Variants in SNRPD3 observed in about 807,000 individuals in gnomAD.
The protein encoded by SNRPD3 is small nuclear ribonucleoprotein Sm D3.
For synonymous variants in SNRPD3, 66 were observed against 58.4 expected (o/e 1.13, Z -0.59); for missense variants, 73 against 167.5 (o/e 0.44, Z 3.11).
At chr22:24,564,904 G>C (rs984903142) in intron 2 of SNRPD3, among the ~76,000 whole-genome samples, 7 of 46,282 alleles carry the variant, frequency 1.5e-4, no homozygotes, top group Non-Finnish European at 2.7e-4. Flanking sequence ...TTTTTTTTTT[G>C]ACAGGGTCTT....
Position 24,568,097 on chromosome 22 carries a change from A to G in SNRPD3, c.240A>G (p.Ala80=), listed in dbSNP as rs890538883. ...TTTTGCCTGACATGCTGAAGAACGC[A>G]CCCATGTTAAAGAGCATGAAAAATA... is the stretch of plus-strand genomic sequence containing the variant. The part of the protein sequence containing the change: ...FLILPDMLKN[A]PMLKSMKNKN... The change falls in exon 3 of 4, where the codon GCA becomes GCG. Residue 80 remains alanine, a synonymous_variant. Transcript: ENST00000215829. The G allele has an allele frequency of 6.2e-7, 1 of 1,614,112 alleles. No homozygotes were observed. Among genetic ancestry groups the G allele is most frequent in the Non-Finnish European group, 8.5e-7 (1 of 1,179,984 alleles).
At position 24,557,632 on chromosome 22, in the gene SNRPD3, C is replaced by T. The variant is rs1042936921; in HGVS notation, c.-18-25C>T. 6 of 1,584,786 alleles carry T rather than the reference C, an allele frequency of 3.8e-6. No individual in the cohort carries two copies. In the Admixed American group the frequency reaches 6.8e-5, roughly 18 times the overall value. Reference sequence around the variant, plus strand: ...GCCTTTTCAGACTCTGAAAGATGAACTGACTGTTGTCTCTCTCATTGTAGA... The same window carrying T: ...GCCTTTTCAGACTCTGAAAGATGAATTGACTGTTGTCTCTCTCATTGTAGA... On this transcript the variant is annotated intron_variant, in intron 1 of 3. Transcript: ENST00000215829.
intron 3 of SNRPD3, 93 bp from the exon 4 acceptor site, chr22:24,571,823 C>T (rs1187076715): frequency 5.5e-6 from 7 of 1,277,510 alleles, no homozygotes; most frequent in Non-Finnish European, 6.8e-6. Context: ...CTTCAGAACC[C>T]TTCTAACTGG....
intron 2 of SNRPD3, among the ~76,000 whole-genome samples, chr22:24,562,130 T>C (rs951096093): frequency 3.3e-5 from 5 of 152,250 alleles, no homozygotes; most frequent in Admixed American, 3.3e-4. Context: ...AGTATTGGAA[T>C]TACAGGCCTA....
At chr22:24,569,853 G>A (rs944228665) in intron 3 of SNRPD3, among the ~76,000 whole-genome samples, 1 of 152,240 alleles carries the variant, frequency 6.6e-6, no homozygotes, top group Non-Finnish European at 1.5e-5. Flanking sequence ...CATAGGGTGA[G>A]ATCTGGAAGG....
chr22:24,572,033 T>C lies in SNRPD3; in HGVS notation c.*56T>C. 1 of 1,607,646 alleles carries C rather than the reference T, an allele frequency of 6.2e-7. No homozygotes were observed. The highest frequency in any genetic ancestry group is 8.5e-7 in the Non-Finnish European group (1 of 1,176,580). Reference sequence around the variant, plus strand: ...TTTCTTTCAGGTTATCTGAGTTCATTGGAGTGGGTGCTTGTGCATATATGC... The same window carrying C: ...TTTCTTTCAGGTTATCTGAGTTCATCGGAGTGGGTGCTTGTGCATATATGC... On this transcript the variant is annotated 3_prime_UTR_variant, in exon 4 of 4. Transcript: ENST00000215829.
At chr22:24,563,352 C>T (rs1027538085) in intron 2 of SNRPD3, among the ~76,000 whole-genome samples, 1 of 150,922 alleles carries the variant, frequency 6.6e-6, no homozygotes, top group African/African-American at 2.4e-5. Context: ...ATGTGAAACT[C>T]AGGATGAGGT....
rs761058844 is a variant in SNRPD3, at chr22:24,574,829, C to A, written c.*2852C>A. On this transcript the variant is annotated 3_prime_UTR_variant, in exon 4 of 4. Coordinates refer to ENST00000215829, the MANE Select transcript of SNRPD3 (RefSeq NM_004175.5). ...GATTATAGGTGTGAGCCACTGCACCCGGCCACCATTATCTTTTGAATCCTC... is the reference window on the plus strand; with the variant it reads ...GATTATAGGTGTGAGCCACTGCACCAGGCCACCATTATCTTTTGAATCCTC... 6.6e-6 allele frequency among the ~76,000 whole-genome samples: 1 copy of A among 152,112 alleles called. No individual in the cohort carries two copies.
intron 1 of SNRPD3, among the ~76,000 whole-genome samples, chr22:24,556,301 A>G (rs1018300463): frequency 1.3e-5 from 2 of 152,038 alleles, no homozygotes; most frequent in Non-Finnish European, 2.9e-5. Flanking sequence ...GTGTTTTTCA[A>G]AGCTTCCAGG....
chr22:24,567,476 G>A (rs2045206820), intron 2 of SNRPD3, among the ~76,000 whole-genome samples: 1 of 152,214 alleles, frequency 6.6e-6, no homozygotes, highest in African/African-American at 2.4e-5. Context: ...GCTGGGCGCA[G>A]TGGCTCACAC....
chr22:24,567,994 T>C lies in SNRPD3; in HGVS notation c.137T>C (p.Ile46Thr). The change falls in exon 3 of 4, where the codon ATC becomes ACC. Residue 46 changes from isoleucine (I) to threonine (T), a missense_variant. Ile to Thr is a moderately conservative substitution (Grantham distance 89). Coordinates refer to ENST00000215829, the MANE Select transcript of SNRPD3 (RefSeq NM_004175.5). ...GTGATTTCCTTCCAGATGTCCAACA[T>C]CACAGTCACATACAGAGATGGCCGA... ...EDNMNCQMSNITVTYRDGRVA... is the reference protein window; with the variant it reads ...EDNMNCQMSNTTVTYRDGRVA... 6.3e-7 allele frequency: 1 copy of C among 1,596,784 alleles called. No individual in the cohort carries two copies. The highest frequency in any genetic ancestry group is 8.5e-7 in the Non-Finnish European group (1 of 1,170,858).
chr22:24,569,867 G>C (rs551330207), intron 3 of SNRPD3, among the ~76,000 whole-genome samples: 1 of 152,204 alleles, frequency 6.6e-6, no homozygotes, highest in Non-Finnish European at 1.5e-5. Context: ...TGGAAGGGTC[G>C]CAAGCACAAG....
At chr22:24,560,611 G>A (rs933399748) in intron 2 of SNRPD3, among the ~76,000 whole-genome samples, 1 of 149,524 alleles carries the variant, frequency 6.7e-6, no homozygotes, top group African/African-American at 2.5e-5. Context: ...CGTATTTTTA[G>A]TAGAGATAGG....
intron 2 of SNRPD3, among the ~76,000 whole-genome samples, chr22:24,559,172 G>C (rs1010329038): frequency 3.9e-5 from 6 of 152,110 alleles, no homozygotes; most frequent in African/African-American, 1.4e-4. Context: ...TGGTTTGCAG[G>C]GTTCATTTAT....
intron 2 of SNRPD3, among the ~76,000 whole-genome samples, chr22:24,566,866 C>CT (rs1199015426): frequency 1.3e-5 from 2 of 152,248 alleles, no homozygotes; most frequent in Admixed American, 1.3e-4. Flanking sequence ...ATCCTGCAGT[C>CT]TATCCTTGTT....
upstream of SNRPD3, chr22:24,555,992 G>T (rs905811925): frequency 3.3e-5 from 23 of 694,360 alleles, no homozygotes; most frequent in Non-Finnish European, 4.8e-5. Flanking sequence ...TGGGTGTTAG[G>T]CCCGCCATTC....
At chr22:24,568,396 C>T (rs899445015) in intron 3 of SNRPD3, among the ~76,000 whole-genome samples, 2 of 152,126 alleles carry the variant, frequency 1.3e-5, no homozygotes, top group East Asian at 1.9e-4. Flanking sequence ...GGCTGGAGTG[C>T]GATGGTGTGA....
chr22:24,560,042 A>G (rs1172647933), intron 2 of SNRPD3, among the ~76,000 whole-genome samples: 1 of 147,798 alleles, frequency 6.8e-6, no homozygotes, highest in African/African-American at 2.5e-5. Context: ...ATGTAGGATT[A>G]GGGCCCACTC....
intron 2 of SNRPD3, among the ~76,000 whole-genome samples, chr22:24,560,602 G>C (rs923070646): frequency 2.0e-4 from 29 of 147,090 alleles, no homozygotes; most frequent in Non-Finnish European, 3.4e-4. Context: ...CTAGTTTTTC[G>C]TATTTTTAGT....
Sources: allele counts gnomAD v4.1 joint callset (sites outside exome capture counted in the v4.1 genomes callset), GRCh38; gene constraint gnomAD v4.1.1; transcripts MANE v1.5; gene names NCBI Gene and HGNC (gene_info 2026-07-23, HGNC 2026-07-21).